FOXP2: variants seen among roughly 807,000 people sequenced by gnomAD.
FOXP2 encodes the protein forkhead box protein P2.
Under a neutral mutation model 115.8 loss-of-function variants are expected in FOXP2, and 12 were observed. The observed-to-expected ratio is 0.10, with a 90% CI of 0.07 to 0.17. The LOEUF is 0.17. Among genes scored for constraint, FOXP2 ranks in the 10% least tolerant of loss-of-function variants. FOXP2 has a pLI of 1.00. For synonymous variants in FOXP2, 328 were observed against 297.7 expected (o/e 1.10, Z -1.05); for missense variants, 629 against 843.5 (o/e 0.75, Z 3.15).
At chr7:114,340,732 TA>T (rs1162403750) in intron 2 of FOXP2, among the ~76,000 whole-genome samples, 1 of 151,106 alleles carries the variant, frequency 6.6e-6, no homozygotes, top group East Asian at 1.9e-4. Flanking sequence ...ATTTTGCAAT[TA>T]AAATATTACT....
Position 114,631,623 on chromosome 7 carries a change from G to T in FOXP2, c.693G>T (p.Gln231His), listed in dbSNP as rs755829229. The T allele has an allele frequency of 6.2e-6, 10 of 1,613,898 alleles. No individual in the cohort carries two copies. In the Admixed American group the frequency reaches 1.7e-4, roughly 27 times the overall value. ...AGATGCAACAACTCCAGCAGCAGCA[G>T]CATCTGCTCAGCCTTCAGCGTCAGG... The part of the protein sequence containing the change: ...LLQMQQLQQQ[Q>H]HLLSLQRQGL... Residue 231 changes from glutamine to histidine, a missense_variant, in exon 6 of 17, where the codon CAG becomes CAT. This residue lies in a region of FOXP2 where 138 missense variants were observed against 205.1 expected (regional missense o/e 0.67). Coordinates refer to ENST00000350908, the MANE Select transcript of FOXP2 (RefSeq NM_014491.4).
At chr7:114,345,796 T>C (rs920350546) in intron 2 of FOXP2, among the ~76,000 whole-genome samples, 4 of 151,784 alleles carry the variant, frequency 2.6e-5, no homozygotes, top group Non-Finnish European at 4.4e-5. Flanking sequence ...GTACAGCTTA[T>C]ATCTGTATTA....
chr7:114,308,740 G>A (rs891413378), intron 2 of FOXP2, among the ~76,000 whole-genome samples: 1 of 152,158 alleles, frequency 6.6e-6, no homozygotes, highest in African/African-American at 2.4e-5. Flanking sequence ...TGCAATAAAA[G>A]ATGTAGAATT....
chr7:114,524,792 T>C (rs745953240), intron 2 of FOXP2, among the ~76,000 whole-genome samples: 4 of 152,126 alleles, frequency 2.6e-5, no homozygotes. Context: ...CGTAATTAAA[T>C]TGAATATATT....
At chr7:114,686,034 A>G (rs1004880453) in intron 16 of FOXP2, among the ~76,000 whole-genome samples, 1 of 151,988 alleles carries the variant, frequency 6.6e-6, no homozygotes, top group Non-Finnish European at 1.5e-5. Flanking sequence ...TAGTGACAAA[A>G]TAAACTAATT....
intron 8 of FOXP2, among the ~76,000 whole-genome samples, chr7:114,646,779 T>A (rs1252648273): frequency 6.6e-6 from 1 of 151,984 alleles, no homozygotes. Context: ...TGTTAGAAAT[T>A]GGAAAAGAAA....
chr7:114,598,881 T>C (rs1418700637), intron 3 of FOXP2, among the ~76,000 whole-genome samples: 1 of 152,034 alleles, frequency 6.6e-6, no homozygotes, highest in African/African-American at 2.4e-5. Flanking sequence ...TACCAGCATC[T>C]CTCTCTCTCA....
chr7:114,328,236 T>TC (rs1797608542), intron 2 of FOXP2, among the ~76,000 whole-genome samples: 3 of 141,204 alleles, frequency 2.1e-5, no homozygotes, highest in Admixed American at 1.4e-4. Context: ...TTCTTTTCTT[T>TC]TTTTTTTTTT....
chr7:114,506,692 T>C (rs1797832805), intron 2 of FOXP2, among the ~76,000 whole-genome samples: 1 of 151,750 alleles, frequency 6.6e-6, no homozygotes, highest in Non-Finnish European at 1.5e-5. Flanking sequence ...ACCAAATATT[T>C]CACATTTATT....
intron 3 of FOXP2, among the ~76,000 whole-genome samples, chr7:114,538,724 G>T (rs1338224288): frequency 6.6e-6 from 1 of 151,630 alleles, no homozygotes; most frequent in African/African-American, 2.4e-5. Context: ...AGTAAGTGAG[G>T]TATCTTAATT....
chr7:114,150,725 ATTATGT>A (rs1792508479), intron 1 of FOXP2, among the ~76,000 whole-genome samples: 2 of 152,040 alleles, frequency 1.3e-5, no homozygotes, highest in Admixed American at 1.3e-4. Flanking sequence ...TAAAATTGCA[ATTATGT>A]CACTGGTGGT....
chr7:114,458,493 A>T (rs931748097), intron 2 of FOXP2, among the ~76,000 whole-genome samples: 5 of 150,482 alleles, frequency 3.3e-5, no homozygotes, highest in Non-Finnish European at 7.4e-5. Context: ...TATTTTAATC[A>T]TATTTCAGTA....
chr7:114,619,513 AAT>A (rs1804122765), intron 3 of FOXP2, among the ~76,000 whole-genome samples: 1 of 152,130 alleles, frequency 6.6e-6, no homozygotes, highest in Non-Finnish European at 1.5e-5. Context: ...AGAATAAAGA[AAT>A]AGTAATTTAT....
intron 1 of FOXP2, among the ~76,000 whole-genome samples, chr7:114,246,835 A>G (rs891098629): frequency 2.0e-5 from 3 of 152,162 alleles, no homozygotes; most frequent in Admixed American, 6.5e-5. Flanking sequence ...CAGAGTCACC[A>G]GATAGTTGAG....
At chr7:114,479,375 G>A (rs2189010) in intron 2 of FOXP2, among the ~76,000 whole-genome samples, 96,301 of 151,176 alleles carry the variant, frequency 0.64, 31,768 homozygotes, top group African/African-American at 0.81. Flanking sequence ...GATTAGAAAT[G>A]CTGTGTGTTA....
intron 1 of FOXP2, among the ~76,000 whole-genome samples, chr7:114,149,169 A>G (rs1792464619): frequency 1.3e-5 from 2 of 152,038 alleles, no homozygotes; most frequent in Admixed American, 6.6e-5. Context: ...TTTTTCATGG[A>G]ACATCAGACA....
intron 2 of FOXP2, among the ~76,000 whole-genome samples, chr7:114,366,196 T>C (rs1163230204): frequency 6.6e-6 from 1 of 152,160 alleles, no homozygotes; most frequent in East Asian, 1.9e-4. Context: ...ATTTGGTCTA[T>C]AGCCACAGAT....
intron 2 of FOXP2, among the ~76,000 whole-genome samples, chr7:114,481,215 A>G (rs996997071): frequency 6.6e-6 from 1 of 151,288 alleles, no homozygotes; most frequent in Non-Finnish European, 1.5e-5. Context: ...AGTTTTATAG[A>G]TAAGCTTCTT....
chr7:114,549,295 A>G (rs1485285548), intron 3 of FOXP2, among the ~76,000 whole-genome samples: 1 of 152,146 alleles, frequency 6.6e-6, no homozygotes, highest in African/African-American at 2.4e-5. Flanking sequence ...TACATTTCCC[A>G]AGTACCTAGG....
Sources: allele counts gnomAD v4.1 joint callset (sites outside exome capture counted in the v4.1 genomes callset), GRCh38; gene constraint gnomAD v4.1.1; regional missense constraint gnomAD v4.1.1; transcripts MANE v1.5; gene names NCBI Gene and HGNC (gene_info 2026-07-23, HGNC 2026-07-21).